Variants in GRID2 observed in about 807,000 individuals in gnomAD.
GRID2 encodes the protein glutamate receptor ionotropic, delta-2.
GRID2 carries 33 observed loss-of-function variants against 114.8 expected under a neutral mutation model. The observed-to-expected ratio is 0.29, with a 90% CI of 0.22 to 0.38. The LOEUF is 0.38. GRID2 is among the 10% of genes least tolerant of loss of function. The pLI is 1.00. For missense variants in GRID2, 1,184 were observed against 1,257.7 expected, an observed-to-expected ratio of 0.94 and a Z score of 0.89; for synonymous variants, 505 against 449.9, an observed-to-expected ratio of 1.12 and a Z score of -1.55.
chr4:93,713,829 CTT>C (rs1407327002), intron 14 of GRID2, among the ~76,000 whole-genome samples: 1 of 152,138 alleles, frequency 6.6e-6, no homozygotes, highest in East Asian at 1.9e-4. Flanking sequence ...TCCCAAAACT[CTT>C]CATATGTTTC....
chr4:92,485,217 G>A (rs1722803799), intron 1 of GRID2, among the ~76,000 whole-genome samples: 1 of 146,770 alleles, frequency 6.8e-6, no homozygotes, highest in East Asian at 2.0e-4. Flanking sequence ...ATATTCAAAT[G>A]TTTCTAATTG....
rs188150789 is a variant in GRID2, at chr4:93,608,276, A to G, written c.2194-17993A>G. 6.9e-5 allele frequency among the ~76,000 whole-genome samples: 10 copies of G among 144,138 alleles called. No homozygotes were observed. The Admixed American group carries it at 7.1e-4, about 10-fold the overall frequency. 94.6% of individuals were successfully genotyped at this position (144,138 alleles called of 152,430 possible). Reference sequence around the variant, plus strand: ...ATTTTATTTTAAACTATTTAGTCCAACTGAAAATTATTTTTTTTTCTTTTT... The same window carrying G: ...ATTTTATTTTAAACTATTTAGTCCAGCTGAAAATTATTTTTTTTTCTTTTT... On this transcript the variant is annotated intron_variant, in intron 13 of 15. Coordinates refer to ENST00000282020, the MANE Select transcript of GRID2 (RefSeq NM_001510.4).
At chr4:93,479,093 A>T (rs2149444691) in intron 11 of GRID2, among the ~76,000 whole-genome samples, 1 of 152,154 alleles carries the variant, frequency 6.6e-6, no homozygotes, top group South Asian at 2.1e-4. Context: ...TGAGTCACAC[A>T]ATTTTTTTTA....
intron 1 of GRID2, among the ~76,000 whole-genome samples, chr4:92,424,287 C>T (rs535583266): frequency 1.3e-5 from 2 of 152,182 alleles, no homozygotes; most frequent in African/African-American, 4.8e-5. Context: ...ACTTCTTTCT[C>T]TTCCTGTTCA....
At chr4:93,124,211 C>T (rs1322931584) in intron 4 of GRID2, among the ~76,000 whole-genome samples, 1 of 151,806 alleles carries the variant, frequency 6.6e-6, no homozygotes, top group Non-Finnish European at 1.5e-5. Flanking sequence ...CAAGGACAGG[C>T]TAACATATGA....
intron 13 of GRID2, among the ~76,000 whole-genome samples, chr4:93,615,876 A>G (rs1411946948): frequency 6.6e-6 from 1 of 152,074 alleles, no homozygotes; most frequent in Non-Finnish European, 1.5e-5. Context: ...TTTTTTCAAA[A>G]ATCATCAAGC....
At chr4:93,375,214 CTTTTT>C (rs373891256) in intron 8 of GRID2, among the ~76,000 whole-genome samples, 1 of 135,312 alleles carries the variant, frequency 7.4e-6, no homozygotes, top group Non-Finnish European at 1.6e-5. Context: ...CTTTTTTTCC[CTTTTT>C]TTTTTTTTTT....
chr4:92,369,645 C>G (rs556187514), intron 1 of GRID2, among the ~76,000 whole-genome samples: 1 of 152,224 alleles, frequency 6.6e-6, no homozygotes, highest in South Asian at 2.1e-4. Flanking sequence ...CTAATTTATT[C>G]AAAGCATATG....
intron 9 of GRID2, among the ~76,000 whole-genome samples, chr4:93,415,511 T>G (rs1379049648): frequency 1.3e-5 from 2 of 152,148 alleles, no homozygotes; most frequent in Non-Finnish European, 1.5e-5. Context: ...AAAATCTTAG[T>G]CTCCAAAATG....
chr4:92,851,316 A>G (rs1331378994), intron 2 of GRID2, among the ~76,000 whole-genome samples: 1 of 151,920 alleles, frequency 6.6e-6, no homozygotes, highest in East Asian at 1.9e-4. Context: ...TGACATGGTA[A>G]TTTGACCATT....
intron 1 of GRID2, among the ~76,000 whole-genome samples, chr4:92,578,046 TC>T (rs2149199399): frequency 1.1e-4 from 2 of 18,024 alleles, no homozygotes; most frequent in African/African-American, 3.7e-4. Flanking sequence ...CTTAGTTTCT[TC>T]TTCTTCTTCT....
chr4:93,587,188 C>A (rs1046915741), intron 13 of GRID2, among the ~76,000 whole-genome samples: 1 of 152,082 alleles, frequency 6.6e-6, no homozygotes, highest in African/African-American at 2.4e-5. Flanking sequence ...AGACACTGAG[C>A]ACAGCCTATA....
At chr4:92,626,043 T>A in intron 2 of GRID2, among the ~76,000 whole-genome samples, 1 of 151,950 alleles carries the variant, frequency 6.6e-6, no homozygotes, top group East Asian at 1.9e-4. Context: ...TGCTACAAAA[T>A]ACCTAAAATA....
chr4:93,367,188 A>ATT (rs78389161), intron 8 of GRID2, among the ~76,000 whole-genome samples: 31 of 123,860 alleles, frequency 2.5e-4, no homozygotes, highest in South Asian at 1.9e-3. Flanking sequence ...CTGTGGCTTT[A>ATT]TTTTTTTTTT....
intron 2 of GRID2, among the ~76,000 whole-genome samples, chr4:92,796,654 AT>A (rs957976971): frequency 2.6e-5 from 4 of 151,936 alleles, no homozygotes; most frequent in Non-Finnish European, 4.4e-5. Context: ...TCAGGCAGAT[AT>A]CTTTTCTTCT....
intron 2 of GRID2, among the ~76,000 whole-genome samples, chr4:92,945,534 A>G (rs761162631): frequency 1.3e-5 from 2 of 152,152 alleles, no homozygotes; most frequent in African/African-American, 4.8e-5. Flanking sequence ...CTAGGAAATT[A>G]TGTTTGATTC....
At chr4:93,407,263 G>T (rs1282797848) in intron 9 of GRID2, among the ~76,000 whole-genome samples, 2 of 151,988 alleles carry the variant, frequency 1.3e-5, no homozygotes, top group Non-Finnish European at 2.9e-5. Flanking sequence ...TCCAAATCTG[G>T]GGCTGGTTTA....
intron 2 of GRID2, among the ~76,000 whole-genome samples, chr4:92,627,291 T>C (rs969143962): frequency 6.6e-6 from 1 of 152,066 alleles, no homozygotes; most frequent in Non-Finnish European, 1.5e-5. Context: ...ATAGTAGACT[T>C]TAGCTTACAT....
At chr4:92,718,505 G>A (rs1278056579) in intron 2 of GRID2, among the ~76,000 whole-genome samples, 2 of 151,998 alleles carry the variant, frequency 1.3e-5, no homozygotes, top group Admixed American at 6.6e-5. Flanking sequence ...GGTGGCTAAT[G>A]CCTATAATCC....
Sources: gnomAD v4.1 joint callset for allele counts (sites outside exome capture counted in the v4.1 genomes callset) on GRCh38, gnomAD v4.1.1 for gene constraint, MANE v1.5 for transcripts, NCBI Gene and HGNC (gene_info 2026-07-23, HGNC 2026-07-21) for gene names.